B3GALT1: variants seen among roughly 807,000 people sequenced by gnomAD.
The protein encoded by B3GALT1 is UDP-Gal:betaGlcNAc beta 1,3-galactosyltransferase, polypeptide 1.
Under a neutral mutation model 23.2 loss-of-function variants are expected in B3GALT1, and 10 were observed. That is an observed-to-expected ratio of 0.43 (90% CI 0.27 to 0.73). The LOEUF is 0.73. B3GALT1 is among the 30% of genes least tolerant of loss of function. The pLI is 0.21. For synonymous variants in B3GALT1, 156 were observed against 141.5 expected, an observed-to-expected ratio of 1.10 and a Z score of -0.73; for missense variants, 299 against 405.4, an observed-to-expected ratio of 0.74 and a Z score of 2.25.
chr2:167,747,234 T>C (rs996681301), intron 3 of B3GALT1, among the ~76,000 whole-genome samples: 1 of 152,176 alleles, frequency 6.6e-6, no homozygotes, highest in African/African-American at 2.4e-5. Context: ...ATGTTGGGGT[T>C]GGAAGGCTGT....
chr2:167,754,647 C>A (rs959531988), intron 3 of B3GALT1, among the ~76,000 whole-genome samples: 2 of 152,016 alleles, frequency 1.3e-5, no homozygotes, highest in African/African-American at 2.4e-5. Flanking sequence ...ATATATATAG[C>A]CAGGCCACTC....
intron 2 of B3GALT1, among the ~76,000 whole-genome samples, chr2:167,646,505 AC>A (rs1272288961): frequency 1.3e-5 from 2 of 152,134 alleles, no homozygotes; most frequent in African/African-American, 4.8e-5. Context: ...AGCTGAAACT[AC>A]CTTTTTGTGA....
At chr2:167,651,981 T>C (rs59674467) in intron 3 of B3GALT1, among the ~76,000 whole-genome samples, 11,435 of 151,772 alleles carry the variant, frequency 0.075, 1,118 homozygotes, top group African/African-American at 0.23. Flanking sequence ...CCCCACACCA[T>C]TGATCAAGCA....
intron 1 of B3GALT1, among the ~76,000 whole-genome samples, chr2:167,359,647 T>C (rs1697468948): frequency 6.6e-6 from 1 of 152,208 alleles, no homozygotes; most frequent in Non-Finnish European, 1.5e-5. Context: ...CAAGTTTGAA[T>C]ACTTAGCACC....
intron 3 of B3GALT1, among the ~76,000 whole-genome samples, chr2:167,767,087 G>T (rs1401040977): frequency 4.6e-5 from 7 of 152,190 alleles, no homozygotes; most frequent in Admixed American, 3.9e-4. Context: ...TCCCTGGAAA[G>T]TTCTGCTTTT....
chr2:167,618,123 T>C (rs1685192549), intron 2 of B3GALT1, among the ~76,000 whole-genome samples: 1 of 152,090 alleles, frequency 6.6e-6, no homozygotes, highest in Non-Finnish European at 1.5e-5. Context: ...TCCTTCTTGT[T>C]ACCTGTCCCT....
In B3GALT1 at chr2:167,871,528, G is replaced by C. The variant is rs1359620551; in HGVS notation, c.*1508G>C. The C allele has an allele frequency of 6.6e-6, 1 of 152,138 alleles. No homozygotes were observed. Among genetic ancestry groups the C allele is most frequent in the Non-Finnish European group, 1.5e-5 (1 of 68,028 alleles). 9.4% of individuals were successfully genotyped at this position (152,138 alleles called of 1,614,324 possible). A position where few individuals can be genotyped will look rare whatever the true frequency, so the allele number is the denominator to read the frequency against. On this transcript the variant is annotated 3_prime_UTR_variant, in exon 5 of 5. Coordinates refer to ENST00000392690, the MANE Select transcript of B3GALT1 (RefSeq NM_020981.4). ...TTTGGGAAGGCTTCCATTTCTCTGA[G>C]ATTTCTTCTGGTTTCAATGAATAAG...
At chr2:167,682,359 C>G (rs567654280) in intron 3 of B3GALT1, among the ~76,000 whole-genome samples, 1 of 152,172 alleles carries the variant, frequency 6.6e-6, no homozygotes, top group Non-Finnish European at 1.5e-5. Flanking sequence ...TATTTGATAT[C>G]TTTGCATCTC....
At chr2:167,436,867 C>T (rs935222380) in intron 1 of B3GALT1, among the ~76,000 whole-genome samples, 1 of 152,056 alleles carries the variant, frequency 6.6e-6, no homozygotes, top group African/African-American at 2.4e-5. Context: ...CTGAAATTTG[C>T]CCCTGAGGTT....
intron 2 of B3GALT1, among the ~76,000 whole-genome samples, chr2:167,501,584 T>A (rs1237507): frequency 0.047 from 7,139 of 151,826 alleles, 558 homozygotes; most frequent in African/African-American, 0.16. Flanking sequence ...AAGATTTTTA[T>A]CATTATGAAA....
At chr2:167,433,787 G>T (rs1027916859) in intron 1 of B3GALT1, among the ~76,000 whole-genome samples, 1 of 152,292 alleles carries the variant, frequency 6.6e-6, no homozygotes, top group African/African-American at 2.4e-5. Flanking sequence ...TAGGCCAGGT[G>T]AGGTGGATCA....
At chr2:167,312,380 A>G (rs1696644739) in intron 1 of B3GALT1, among the ~76,000 whole-genome samples, 1 of 152,060 alleles carries the variant, frequency 6.6e-6, no homozygotes, top group African/African-American at 2.4e-5. Context: ...CCCTTAAATT[A>G]TTTGAACAAG....
intron 1 of B3GALT1, among the ~76,000 whole-genome samples, chr2:167,376,462 A>T (rs1043769510): frequency 1.3e-5 from 2 of 152,148 alleles, no homozygotes; most frequent in Non-Finnish European, 2.9e-5. Flanking sequence ...CAGTGAATCC[A>T]TCTGGTCCAG....
At chr2:167,669,688 A>T (rs1417644718) in intron 3 of B3GALT1, among the ~76,000 whole-genome samples, 1 of 152,248 alleles carries the variant, frequency 6.6e-6, no homozygotes, top group Non-Finnish European at 1.5e-5. Flanking sequence ...TATTTCAAAT[A>T]TTTTATTCTT....
chr2:167,595,368 G>A (rs1437937106), intron 2 of B3GALT1, among the ~76,000 whole-genome samples: 1 of 152,088 alleles, frequency 6.6e-6, no homozygotes, highest in East Asian at 1.9e-4. Flanking sequence ...ATCCATTTTG[G>A]TGTCATAATT....
At chr2:167,587,925 G>T (rs1684609108) in intron 2 of B3GALT1, among the ~76,000 whole-genome samples, 1 of 152,162 alleles carries the variant, frequency 6.6e-6, no homozygotes, top group Non-Finnish European at 1.5e-5. Flanking sequence ...ACAGAATTCA[G>T]GTTCCGTAGC....
intron 3 of B3GALT1, chr2:167,713,745 A>G (rs566225233): frequency 6.3e-7 from 1 of 1,579,618 alleles, no homozygotes; most frequent in Non-Finnish European, 8.7e-7. Flanking sequence ...TACCTTCAGA[A>G]TGTGGGGTTG....
At chr2:167,863,857 A>T (rs1574307818) in intron 4 of B3GALT1, among the ~76,000 whole-genome samples, 1 of 152,252 alleles carries the variant, frequency 6.6e-6, no homozygotes, top group South Asian at 2.1e-4. Context: ...TTTTCAACAG[A>T]GGATTTACTA....
At chr2:167,462,123 A>G (rs1013734413) in intron 1 of B3GALT1, among the ~76,000 whole-genome samples, 1 of 152,224 alleles carries the variant, frequency 6.6e-6, no homozygotes, top group East Asian at 1.9e-4. Flanking sequence ...TATAGACATA[A>G]ATAACCTCAA....
Sources: gnomAD v4.1 joint callset for allele counts (sites outside exome capture counted in the v4.1 genomes callset) on GRCh38, gnomAD v4.1.1 for gene constraint, MANE v1.5 for transcripts, NCBI Gene and HGNC (gene_info 2026-07-23, HGNC 2026-07-21) for gene names.